TENM4: variants seen among roughly 807,000 people sequenced by gnomAD.
TENM4 encodes the protein teneurin-4.
A neutral mutation model predicts 243.3 loss-of-function variants in TENM4; 82 were observed. That is an observed-to-expected ratio of 0.34 (90% CI 0.28 to 0.40). The LOEUF (loss-of-function observed/expected upper bound fraction) is 0.40. Ranked by LOEUF, TENM4 falls within the 10% of genes least tolerant of loss-of-function variation. The probability of loss-of-function intolerance (pLI) is 1.00; values close to 1 mark genes in which losing one functional copy is unlikely to be tolerated. For synonymous variants in TENM4, 1,412 were observed against 1,456.3 expected, an observed-to-expected ratio of 0.97 and a Z score of 0.69; for missense variants, 3,138 against 3,673.3, an observed-to-expected ratio of 0.85 and a Z score of 3.77.
intron 6 of TENM4, among the ~76,000 whole-genome samples, chr11:79,012,005 G>A (rs1858655940): frequency 6.6e-6 from 1 of 152,088 alleles, no homozygotes; most frequent in African/African-American, 2.4e-5. Flanking sequence ...AAAGTTGGTG[G>A]GCAGCAGCCA....
At chr11:78,843,145 G>T (rs1392641681) in intron 12 of TENM4, among the ~76,000 whole-genome samples, 1 of 152,164 alleles carries the variant, frequency 6.6e-6, no homozygotes, top group Non-Finnish European at 1.5e-5. Context: ...GGGCATGGTG[G>T]TGGGCGCCTA....
At position 78,653,548 on chromosome 11, in the gene TENM4, A is replaced by G. The variant is rs962094827; in HGVS notation, c.*4510T>C. 3 of 152,368 alleles carry G rather than the reference A, an allele frequency of 2.0e-5. No individual in the cohort carries two copies. The highest frequency in any genetic ancestry group is 7.2e-5 in the African/African-American group (3 of 41,580). 9.4% of individuals were successfully genotyped at this position (152,368 alleles called of 1,614,324 possible). On this transcript the variant is annotated 3_prime_UTR_variant, in exon 34 of 34. Transcript: ENST00000278550. ...TGGTCATCCAGAAGCAGCTTGGTAC[A>G]GACTCCTTTTGCCGAAGCTGCGGGT...
chr11:78,778,643 G>A lies in TENM4; in HGVS notation c.2366-15C>T, dbSNP rs1236598262. On this transcript the variant is annotated splice_polypyrimidine_tract_variant and intron_variant, in intron 16 of 33. Coordinates refer to ENST00000278550, the MANE Select transcript of TENM4 (RefSeq NM_001098816.3). ...CAGATAGTGAGCTAGGGAGATAAAA[G>A]ACAGGACATTTAAGGTAGGATCCAG... The A allele has an allele frequency of 2.5e-6, 4 of 1,611,326 alleles. No homozygotes were observed. Among genetic ancestry groups the A allele is most frequent in the Non-Finnish European group, 3.4e-6 (4 of 1,178,722 alleles).
rs192136344 is a variant in TENM4 at position 79,409,120 on chromosome 11, G to A, written c.-321+31389C>T. The stretch of plus-strand genomic sequence containing the variant: ...TGTGTGTGCGCGCGCGCGCGTGCGT[G>A]CACGCGCACGCACATGCGTGAGAGT... On this transcript the variant is annotated intron_variant, in intron 1 of 33. Transcript: ENST00000278550. Among the ~76,000 whole-genome samples the A allele has an allele frequency of 9.2e-4, 138 of 149,720 alleles. 1 individual carries two copies. The East Asian group carries it at 0.025, about 27-fold the overall frequency.
At chr11:78,907,444 A>G (rs2136340797) in intron 6 of TENM4, among the ~76,000 whole-genome samples, 1 of 152,286 alleles carries the variant, frequency 6.6e-6, no homozygotes, top group African/African-American at 2.4e-5. Context: ...TAAAACAGTG[A>G]ACAAGATAAA....
chr11:78,712,457 C>A (rs1295225156), intron 26 of TENM4, 25 bp downstream of exon 26: 55 of 1,588,732 alleles, frequency 3.5e-5, no homozygotes, highest in Non-Finnish European at 4.5e-5. Context: ...ATGTTATTGA[C>A]AATGTCTCTA....
chr11:78,736,222 C>T lies in TENM4; in HGVS notation c.2876+2229G>A, dbSNP rs557631315. 3.0e-4 allele frequency among the ~76,000 whole-genome samples: 45 copies of T among 152,236 alleles called. 1 individual carries two copies. Among genetic ancestry groups the T allele is most frequent in the South Asian group, 1.2e-3 (6 of 4,820 alleles). Reference sequence around the variant, plus strand: ...AACTCCTGTGCTCAAGTGATCCTTACGCCGTGGCCTCCCAAAGTGCTGGGA... The same window carrying T: ...AACTCCTGTGCTCAAGTGATCCTTATGCCGTGGCCTCCCAAAGTGCTGGGA... On this transcript the variant is annotated intron_variant, in intron 20 of 33. Transcript: ENST00000278550.
chr11:78,957,182 T>G (rs1417942360), intron 6 of TENM4, among the ~76,000 whole-genome samples: 4 of 152,194 alleles, frequency 2.6e-5, no homozygotes, highest in Non-Finnish European at 5.9e-5. Flanking sequence ...AACGAGGGTC[T>G]TTTGCTGCAA....
intron 1 of TENM4, among the ~76,000 whole-genome samples, chr11:79,422,841 A>T (rs566135265): frequency 6.6e-6 from 1 of 152,266 alleles, no homozygotes; most frequent in African/African-American, 2.4e-5. Flanking sequence ...GGCTCTTCTA[A>T]TCACTCCTCT....
chr11:79,241,486 C>T (rs1855416860), intron 2 of TENM4, among the ~76,000 whole-genome samples: 1 of 152,146 alleles, frequency 6.6e-6, no homozygotes, highest in South Asian at 2.1e-4. Context: ...CCATCAGGCT[C>T]ACTCCCAAAA....
chr11:78,743,432 T>C (rs2135918113), intron 19 of TENM4, among the ~76,000 whole-genome samples: 1 of 152,350 alleles, frequency 6.6e-6, no homozygotes, highest in East Asian at 1.9e-4. Context: ...GGAATTCGAA[T>C]GCAGGGCACA....
intron 6 of TENM4, among the ~76,000 whole-genome samples, chr11:79,004,594 T>C (rs933930764): frequency 1.3e-5 from 2 of 152,120 alleles, no homozygotes; most frequent in Non-Finnish European, 2.9e-5. Context: ...TCAGGATCTC[T>C]AAAGCATTGT....
intron 1 of TENM4, among the ~76,000 whole-genome samples, chr11:79,341,478 G>A (rs1400610871): frequency 2.0e-5 from 3 of 152,222 alleles, no homozygotes; most frequent in Non-Finnish European, 4.4e-5. Flanking sequence ...GAGGAGGAAA[G>A]TGAAGAGCAC....
Position 78,732,322 on chromosome 11 carries a change from T to C in TENM4, c.3132A>G (p.Glu1044=). 2 of 1,593,504 alleles carry C rather than the reference T, an allele frequency of 1.3e-6. No homozygotes were observed. The highest frequency in any genetic ancestry group is 1.7e-6 in the Non-Finnish European group (2 of 1,165,760). The change falls in exon 21 of 34, where the codon GAA becomes GAG. Residue 1044 remains glutamate (E), a synonymous_variant. Coordinates refer to ENST00000278550, the MANE Select transcript of TENM4 (RefSeq NM_001098816.3). ...AATTAGGAAAGCTGGGTACCTGAAT[T>C]TCCGGCACAATGGGGCCTTTCTCTG... The part of the protein sequence containing the change: ...SCAEKGPIVP[E]IQALQEEISI...
chr11:79,328,233 TC>T (rs1249913739), intron 1 of TENM4, among the ~76,000 whole-genome samples: 1 of 152,198 alleles, frequency 6.6e-6, no homozygotes, highest in Non-Finnish European at 1.5e-5. Flanking sequence ...TGGTTCTCAT[TC>T]AACTAATGAG....
chr11:78,695,187 T>G (rs1858927185), intron 28 of TENM4, among the ~76,000 whole-genome samples: 1 of 151,902 alleles, frequency 6.6e-6, no homozygotes, highest in Non-Finnish European at 1.5e-5. Context: ...TAGCTAGGAC[T>G]GCAGGTGTGT....
chr11:78,728,106 G>T (rs1855564885), intron 22 of TENM4, among the ~76,000 whole-genome samples: 1 of 152,136 alleles, frequency 6.6e-6, no homozygotes, highest in African/African-American at 2.4e-5. Flanking sequence ...TTCTCAAGAG[G>T]TTATAAGGCC....
intron 2 of TENM4, among the ~76,000 whole-genome samples, chr11:79,267,816 C>G (rs530985358): frequency 3.3e-5 from 5 of 152,308 alleles, no homozygotes; most frequent in African/African-American, 1.2e-4. Context: ...AACTATGATT[C>G]TTACAGAGCC....
intron 2 of TENM4, among the ~76,000 whole-genome samples, chr11:79,289,093 T>G (rs777279785): frequency 1.3e-5 from 2 of 152,192 alleles, no homozygotes; most frequent in Non-Finnish European, 2.9e-5. Flanking sequence ...CAAGACTTAT[T>G]ATGACACCAT....
Sources: allele counts gnomAD v4.1 joint callset (sites outside exome capture counted in the v4.1 genomes callset), GRCh38; gene constraint gnomAD v4.1.1; transcripts MANE v1.5; gene names NCBI Gene and HGNC (gene_info 2026-07-23, HGNC 2026-07-21).